Variants in RABGAP1L observed in about 807,000 individuals in gnomAD.
The protein encoded by RABGAP1L is RAB GTPase activating protein 1 like, also known as rab GTPase-activating protein 1-like.
RABGAP1L carries 63 observed loss-of-function variants against 137.7 expected under a neutral mutation model. That is an observed-to-expected ratio of 0.46 (90% CI 0.37 to 0.56). The LOEUF (loss-of-function observed/expected upper bound fraction) is 0.56. RABGAP1L is among the 20% of genes least tolerant of loss of function. RABGAP1L has a pLI of 0.00. For synonymous variants in RABGAP1L, 431 were observed against 433.7 expected, an observed-to-expected ratio of 0.99 and a Z score of 0.08; for missense variants, 1,095 against 1,244.0, an observed-to-expected ratio of 0.88 and a Z score of 1.80.
chr1:174,455,152 A>G (rs1396028796), intron 13 of RABGAP1L, among the ~76,000 whole-genome samples: 1 of 152,212 alleles, frequency 6.6e-6, no homozygotes, highest in Non-Finnish European at 1.5e-5. Context: ...TCATTATAGT[A>G]AATGGAGCCA....
At chr1:174,242,552 C>G (rs1175531089) in intron 5 of RABGAP1L, among the ~76,000 whole-genome samples, 1 of 152,310 alleles carries the variant, frequency 6.6e-6, no homozygotes, top group African/African-American at 2.4e-5. Flanking sequence ...GAGTTTATTT[C>G]TGGCGACAAA....
intron 4 of RABGAP1L, among the ~76,000 whole-genome samples, chr1:174,240,000 T>G (rs1671654993): frequency 6.6e-6 from 1 of 152,248 alleles, no homozygotes; most frequent in Admixed American, 6.5e-5. Flanking sequence ...TGTTTATATG[T>G]TATCGTCTAA....
intron 21 of RABGAP1L, among the ~76,000 whole-genome samples, chr1:174,972,617 C>G (rs572949040): frequency 5.3e-5 from 8 of 152,004 alleles, no homozygotes; most frequent in African/African-American, 7.2e-5. Flanking sequence ...CTTTGGGAGG[C>G]CGAGGCAGGT....
At chr1:174,798,977 G>A (rs116557573) in intron 18 of RABGAP1L, among the ~76,000 whole-genome samples, 1,590 of 152,292 alleles carry the variant, frequency 0.01, 29 homozygotes, top group African/African-American at 0.037. Context: ...CACTAAGATT[G>A]TAAAATTTTG....
intron 1 of RABGAP1L, among the ~76,000 whole-genome samples, chr1:174,171,290 C>G (rs967997168): frequency 2.6e-5 from 4 of 152,138 alleles, no homozygotes; most frequent in Admixed American, 2.6e-4. Context: ...CAATAATCAC[C>G]ATTCTTTCTT....
In RABGAP1L at chr1:174,752,343, G is replaced by A. The variant is rs773780634; in HGVS notation, c.2200G>A (p.Ala734Thr). The A allele has an allele frequency of 1.0e-5, 16 of 1,584,782 alleles. No homozygotes were observed. The Admixed American group carries it at 2.3e-4, about 23-fold the overall frequency. ...GAACATAATCTTTCATGTAGCTTTG[G>A]CTCTCCTAAAGGTAAGTCTTTTTTT... ...GLNIIFHVAL[A>T]LLKTSKEDLL... Residue 734 changes from alanine to threonine, a missense_variant, in exon 18 of 26, where the codon GCT (alanine) becomes ACT (threonine). Around this residue, in one of 4 missense-constraint regions of RABGAP1L, gnomAD observed 312 missense variants for 435.6 expected, o/e 0.72. Coordinates refer to ENST00000681986, the MANE Select transcript of RABGAP1L (RefSeq NM_001366446.1).
Position 174,168,585 on chromosome 1 carries a change from A to G in RABGAP1L, c.-34+8928A>G, listed in dbSNP as rs1301132141. On this transcript the variant is annotated intron_variant, in intron 1 of 25. Transcript: ENST00000681986. ...GCTGTTGTCTGCGCAAAGATCTATT[A>G]CCAAGTTGCATGATCAAGTTGGTAT... Among the ~76,000 whole-genome samples the G allele has an allele frequency of 2.6e-5, 4 of 152,244 alleles. No individual in the cohort carries two copies. In the East Asian group the frequency reaches 7.7e-4, roughly 29 times the overall value.
At chr1:174,250,096 T>C (rs1672599488) in intron 5 of RABGAP1L, among the ~76,000 whole-genome samples, 1 of 152,178 alleles carries the variant, frequency 6.6e-6, no homozygotes, top group Non-Finnish European at 1.5e-5. Flanking sequence ...GAACTTAAGT[T>C]TCCATGAAGT....
chr1:174,445,222 G>A (rs779677115), intron 13 of RABGAP1L, among the ~76,000 whole-genome samples: 1 of 152,072 alleles, frequency 6.6e-6, no homozygotes, highest in African/African-American at 2.4e-5. Flanking sequence ...TAAGAAAAAT[G>A]CTGATCCCCT....
intron 13 of RABGAP1L, among the ~76,000 whole-genome samples, chr1:174,614,498 G>A (rs1267470628): frequency 6.6e-6 from 1 of 152,102 alleles, no homozygotes; most frequent in Non-Finnish European, 1.5e-5. Flanking sequence ...TTCCTCTCTG[G>A]CTGCCCTTAA....
At chr1:174,390,133 A>G (rs1187782779) in intron 12 of RABGAP1L, among the ~76,000 whole-genome samples, 1 of 152,194 alleles carries the variant, frequency 6.6e-6, no homozygotes, top group East Asian at 1.9e-4. Context: ...TTCTCAAGTG[A>G]TAGGGTGCTG....
intron 19 of RABGAP1L, among the ~76,000 whole-genome samples, chr1:174,869,029 T>C (rs1402729710): frequency 6.6e-6 from 1 of 152,174 alleles, no homozygotes; most frequent in Non-Finnish European, 1.5e-5. Flanking sequence ...TGTTCTCGTA[T>C]ACTGAGAACC....
At chr1:174,754,868 C>A (rs554782146) in intron 18 of RABGAP1L, among the ~76,000 whole-genome samples, 70 of 152,276 alleles carry the variant, frequency 4.6e-4, no homozygotes, top group African/African-American at 1.6e-3. Flanking sequence ...TCAGATTTCT[C>A]TGTATTATAA....
chr1:174,971,534 G>C (rs570636204), intron 21 of RABGAP1L, among the ~76,000 whole-genome samples: 2 of 152,132 alleles, frequency 1.3e-5, no homozygotes, highest in Non-Finnish European at 2.9e-5. Flanking sequence ...TTTAAGAAAA[G>C]TAAATATGAC....
chr1:174,789,113 T>C (rs1687666926), intron 18 of RABGAP1L, among the ~76,000 whole-genome samples: 1 of 152,336 alleles, frequency 6.6e-6, no homozygotes, highest in South Asian at 2.1e-4. Flanking sequence ...ACCAATATTA[T>C]GATATCCTTA....
intron 14 of RABGAP1L, among the ~76,000 whole-genome samples, chr1:174,677,492 T>C (rs1292465484): frequency 6.6e-6 from 1 of 152,244 alleles, no homozygotes; most frequent in African/African-American, 2.4e-5. Flanking sequence ...AAAAGGAAGC[T>C]GGGGTAGACC....
At chr1:174,442,283 T>C (rs956729387) in intron 13 of RABGAP1L, among the ~76,000 whole-genome samples, 2 of 152,150 alleles carry the variant, frequency 1.3e-5, no homozygotes, top group Non-Finnish European at 2.9e-5. Flanking sequence ...AATACTATTA[T>C]CTCTGAAAGT....
chr1:174,656,964 G>A (rs1318031483), intron 14 of RABGAP1L, among the ~76,000 whole-genome samples: 1 of 152,158 alleles, frequency 6.6e-6, no homozygotes, highest in African/African-American at 2.4e-5. Context: ...AGGCAAGAGT[G>A]TAGAGCCTTC....
At chr1:174,505,021 A>G (rs1477614200) in intron 13 of RABGAP1L, among the ~76,000 whole-genome samples, 1 of 152,202 alleles carries the variant, frequency 6.6e-6, no homozygotes, top group Non-Finnish European at 1.5e-5. Flanking sequence ...AATTGTAAGA[A>G]AACAACCTGA....
Sources: allele counts gnomAD v4.1 joint callset (sites outside exome capture counted in the v4.1 genomes callset), GRCh38; gene constraint gnomAD v4.1.1; regional missense constraint gnomAD v4.1.1; transcripts MANE v1.5; gene names NCBI Gene and HGNC (gene_info 2026-07-23, HGNC 2026-07-21).